The following TAB2 variants were observed in gnomAD, a reference collection of about 807,000 sequenced individuals.
TAB2 encodes TGF-beta-activated kinase 1 and MAP3K7-binding protein 2.
TAB2 carries 3 observed loss-of-function variants against 65.0 expected under a neutral mutation model. That is an observed-to-expected ratio of 0.05 (90% CI 0.02 to 0.12). The LOEUF is 0.12. Among genes scored for constraint, TAB2 ranks in the 10% least tolerant of loss-of-function variants. The probability of loss-of-function intolerance (pLI) is 1.00; values close to 1 mark genes in which losing one functional copy is unlikely to be tolerated. For synonymous variants in TAB2, 298 were observed against 285.1 expected, an observed-to-expected ratio of 1.05 and a Z score of -0.46; for missense variants, 623 against 840.3, an observed-to-expected ratio of 0.74 and a Z score of 3.20.
chr6:149,274,469 C>T (rs1241237479), intron 1 of TAB2, among the ~76,000 whole-genome samples: 1 of 152,132 alleles, frequency 6.6e-6, no homozygotes, highest in Non-Finnish European at 1.5e-5. Flanking sequence ...CTGTATTTTT[C>T]CCTTTCTACC....
chr6:149,219,306 T>TTG (rs3064238), intron 1 of TAB2, among the ~76,000 whole-genome samples: 15,250 of 146,096 alleles, frequency 0.1, 784 homozygotes, highest in African/African-American at 0.14. Flanking sequence ...ATTTTAACAT[T>TTG]TGTGTGTGTG....
intron 1 of TAB2, among the ~76,000 whole-genome samples, chr6:149,337,501 A>T (rs977538130): frequency 3.9e-5 from 6 of 152,146 alleles, no homozygotes; most frequent in Admixed American, 3.9e-4. Context: ...AGCCTTGCCA[A>T]TTTTGTTCAT....
chr6:149,350,447 A>C (rs1780452901), intron 1 of TAB2, among the ~76,000 whole-genome samples: 1 of 152,092 alleles, frequency 6.6e-6, no homozygotes, highest in Admixed American at 6.6e-5. Flanking sequence ...TATTACCGCT[A>C]ATGGCTACTT....
At chr6:149,222,186 C>A (rs1562378018) in intron 1 of TAB2, among the ~76,000 whole-genome samples, 1 of 152,338 alleles carries the variant, frequency 6.6e-6, no homozygotes, top group African/African-American at 2.4e-5. Flanking sequence ...CTGTGACTTA[C>A]ACCATCGGCC....
chr6:149,301,946 A>C (rs1778979871), intron 1 of TAB2, among the ~76,000 whole-genome samples: 1 of 152,204 alleles, frequency 6.6e-6, no homozygotes, highest in Admixed American at 6.5e-5. Flanking sequence ...TATATATACA[A>C]TTTGTAAAAT....
chr6:149,262,394 G>T (rs893506165), intron 1 of TAB2, among the ~76,000 whole-genome samples: 1 of 152,124 alleles, frequency 6.6e-6, no homozygotes. Flanking sequence ...GTAGCTGGGC[G>T]TGGTGGTGGG....
chr6:149,338,651 A>G (rs1780005319), intron 1 of TAB2, among the ~76,000 whole-genome samples: 1 of 152,240 alleles, frequency 6.6e-6, no homozygotes, highest in African/African-American at 2.4e-5. Flanking sequence ...ATTTCCTTTT[A>G]AAATGAAACC....
intron 1 of TAB2, among the ~76,000 whole-genome samples, chr6:149,292,505 G>T (rs1303214148): frequency 6.6e-6 from 1 of 152,120 alleles, no homozygotes; most frequent in Non-Finnish European, 1.5e-5. Flanking sequence ...TTGAAAAAGA[G>T]AATAAAATAA....
At chr6:149,400,797 T>C in intron 6 of TAB2, 1 of 1,139,302 alleles carries the variant, frequency 8.8e-7, no homozygotes, top group East Asian at 2.4e-5. Context: ...AGTATAGTTT[T>C]CTCTATTCTT....
At chr6:149,354,034 G>A (rs779750192) in intron 1 of TAB2, among the ~76,000 whole-genome samples, 201 of 152,284 alleles carry the variant, frequency 1.3e-3, no homozygotes, top group Non-Finnish European at 2.3e-3. Flanking sequence ...CAGATGTCTA[G>A]ATAAAATTTA....
intron 1 of TAB2, among the ~76,000 whole-genome samples, chr6:149,234,854 TAG>T (rs1319158405): frequency 4.7e-5 from 6 of 126,482 alleles, no homozygotes; most frequent in African/African-American, 2.0e-4. Context: ...CGACTAAGAT[TAG>T]AGAGTGTGAA....
At chr6:149,290,331 CT>C (rs1242590665) in intron 1 of TAB2, among the ~76,000 whole-genome samples, 1 of 152,216 alleles carries the variant, frequency 6.6e-6, no homozygotes, top group East Asian at 1.9e-4. Flanking sequence ...CAAATGTCAT[CT>C]TTTCAGAGGA....
chr6:149,346,793 C>T (rs1562426266), intron 1 of TAB2, among the ~76,000 whole-genome samples: 2 of 151,988 alleles, frequency 1.3e-5, no homozygotes, highest in Non-Finnish European at 2.9e-5. Context: ...ATTAAGGTGC[C>T]ATTTTAAATT....
chr6:149,225,900 G>A (rs1281059103), intron 1 of TAB2, among the ~76,000 whole-genome samples: 1 of 151,790 alleles, frequency 6.6e-6, no homozygotes, highest in African/African-American at 2.4e-5. Flanking sequence ...CTAAGAATCC[G>A]AGATCAAAGC....
intron 1 of TAB2, among the ~76,000 whole-genome samples, chr6:149,261,470 C>T (rs528119261): frequency 1.3e-5 from 2 of 152,138 alleles, no homozygotes; most frequent in Non-Finnish European, 2.9e-5. Flanking sequence ...GCGTACTTCA[C>T]TTTATACCAA....
intron 1 of TAB2, among the ~76,000 whole-genome samples, chr6:149,280,215 A>G (rs542268696): frequency 2.0e-5 from 3 of 152,142 alleles, no homozygotes; most frequent in Non-Finnish European, 4.4e-5. Flanking sequence ...TCTAAATTTC[A>G]GTTTTTCTTC....
intron 1 of TAB2, chr6:149,321,216 G>T (rs1779446219): frequency 6.6e-6 from 1 of 152,150 alleles, no homozygotes; most frequent in Non-Finnish European, 1.5e-5. Flanking sequence ...GTATTAAAAT[G>T]ATAAGGATTT....
At chr6:149,282,145 G>A (rs1228671379) in intron 1 of TAB2, among the ~76,000 whole-genome samples, 6 of 149,172 alleles carry the variant, frequency 4.0e-5, no homozygotes, top group Admixed American at 6.8e-5. Flanking sequence ...CAGCCTGGGC[G>A]GCTGAGCAAG....
upstream of TAB2, among the ~76,000 whole-genome samples, chr6:149,314,831 T>G (rs1779222598): frequency 6.6e-6 from 1 of 151,292 alleles, no homozygotes; most frequent in Non-Finnish European, 1.5e-5. Flanking sequence ...CTTACTAGAC[T>G]AAAAAGCTCT....
Sources: allele counts gnomAD v4.1 joint callset (sites outside exome capture counted in the v4.1 genomes callset), GRCh38; gene constraint gnomAD v4.1.1; transcripts MANE v1.5; gene names NCBI Gene and HGNC (gene_info 2026-07-23, HGNC 2026-07-21).